The following EPHA6 variants were observed in gnomAD, a reference collection of about 807,000 sequenced individuals.
EPHA6 encodes the protein ephrin type-A receptor 6.
In EPHA6, 50 loss-of-function variants were observed where a neutral mutation model predicts 112.0. The ratio of observed to expected loss-of-function variants is 0.45; its 90% CI spans 0.36 to 0.56. The LOEUF is 0.56. Among genes scored for constraint, EPHA6 ranks in the 20% least tolerant of loss-of-function variants. The pLI is 0.00. For synonymous variants in EPHA6, 529 were observed against 490.7 expected (o/e 1.08, Z -1.03); for missense variants, 1,280 against 1,417.4 (o/e 0.90, Z 1.56).
intron 3 of EPHA6, among the ~76,000 whole-genome samples, chr3:97,082,707 C>T (rs1266130755): frequency 2.6e-5 from 4 of 151,754 alleles, no homozygotes; most frequent in Admixed American, 2.0e-4. Context: ...CAGTGATATG[C>T]GTGTAACACC....
chr3:97,386,976 T>C (rs1294710239), intron 5 of EPHA6, among the ~76,000 whole-genome samples: 1 of 152,218 alleles, frequency 6.6e-6, no homozygotes, highest in Non-Finnish European at 1.5e-5. Context: ...AAGTTGTTCC[T>C]TGGCCCCCTT....
chr3:97,317,591 A>C (rs971213883), intron 5 of EPHA6, among the ~76,000 whole-genome samples: 1 of 151,900 alleles, frequency 6.6e-6, no homozygotes, highest in Non-Finnish European at 1.5e-5. Context: ...ACAAACTTGT[A>C]ACTTTGGGCT....
chr3:97,576,017 G>A (rs1560153448), intron 11 of EPHA6, among the ~76,000 whole-genome samples: 1 of 152,110 alleles, frequency 6.6e-6, no homozygotes, highest in Non-Finnish European at 1.5e-5. Context: ...TTAGCAACTA[G>A]CTAAATGGTC....
At chr3:97,573,411 A>T (rs1309665227) in intron 11 of EPHA6, among the ~76,000 whole-genome samples, 1 of 152,158 alleles carries the variant, frequency 6.6e-6, no homozygotes, top group Admixed American at 6.5e-5. Flanking sequence ...CTATAATTTG[A>T]CAAGAAGACC....
intron 1 of EPHA6, among the ~76,000 whole-genome samples, chr3:96,865,770 G>T (rs1486308129): frequency 6.6e-6 from 1 of 151,340 alleles, no homozygotes; most frequent in Non-Finnish European, 1.5e-5. Context: ...TAATGATGTG[G>T]TACCAAAGCA....
chr3:97,749,746 A>G lies in EPHA6; in HGVS notation c.*1045A>G, dbSNP rs1009841903. ...CTTTATGATAGATACATGGTGGCCC[A>G]AGAAAATAAACAGACTTAGCTGATC... On this transcript the variant is annotated 3_prime_UTR_variant, in exon 18 of 18. Coordinates refer to ENST00000389672, the MANE Select transcript of EPHA6 (RefSeq NM_001080448.3). 6.6e-6 allele frequency among the ~76,000 whole-genome samples: 1 copy of G among 152,202 alleles called. No homozygotes were observed. The highest frequency in any genetic ancestry group is 2.4e-5 in the African/African-American group (1 of 41,458).
intron 3 of EPHA6, among the ~76,000 whole-genome samples, chr3:97,059,732 G>A (rs572123893): frequency 6.7e-6 from 1 of 150,260 alleles, no homozygotes; most frequent in South Asian, 2.1e-4. Context: ...AATGATAAGT[G>A]TAACTTTCAA....
chr3:97,547,316 T>G (rs2092966174), intron 11 of EPHA6, among the ~76,000 whole-genome samples: 1 of 152,148 alleles, frequency 6.6e-6, no homozygotes, highest in Non-Finnish European at 1.5e-5. Flanking sequence ...CTGTTGGAGT[T>G]TGCTAGAGGT....
At chr3:97,349,587 A>G (rs2083700339) in intron 5 of EPHA6, among the ~76,000 whole-genome samples, 1 of 152,136 alleles carries the variant, frequency 6.6e-6, no homozygotes, top group Admixed American at 6.6e-5. Flanking sequence ...AATAAAAGAA[A>G]GAGTCATAGA....
intron 3 of EPHA6, among the ~76,000 whole-genome samples, chr3:97,061,220 T>TG (rs1420175781): frequency 6.6e-6 from 1 of 152,102 alleles, no homozygotes; most frequent in African/African-American, 2.4e-5. Context: ...GAGGTGGACA[T>TG]GAATTGTATG....
intron 3 of EPHA6, among the ~76,000 whole-genome samples, chr3:97,165,810 A>G (rs930075475): frequency 5.3e-5 from 8 of 152,130 alleles, no homozygotes; most frequent in African/African-American, 1.7e-4. Flanking sequence ...TCTTATTGGA[A>G]GTTGAAATGG....
chr3:97,495,658 T>C (rs998458565), intron 10 of EPHA6, among the ~76,000 whole-genome samples: 1 of 152,172 alleles, frequency 6.6e-6, no homozygotes, highest in East Asian at 1.9e-4. Flanking sequence ...CAGTAACATC[T>C]GTGATTTGTT....
At chr3:97,384,854 C>T (rs1299722178) in intron 5 of EPHA6, among the ~76,000 whole-genome samples, 2 of 152,034 alleles carry the variant, frequency 1.3e-5, no homozygotes, top group African/African-American at 4.8e-5. Context: ...TCTTGAAGAA[C>T]TCTGTTAAAC....
chr3:97,143,011 C>A (rs1181783372), intron 3 of EPHA6, among the ~76,000 whole-genome samples: 1 of 151,810 alleles, frequency 6.6e-6, no homozygotes, highest in Non-Finnish European at 1.5e-5. Flanking sequence ...TAAGAAAAGG[C>A]AGCCAAATTG....
chr3:97,463,112 T>G (rs1337325809), intron 7 of EPHA6, among the ~76,000 whole-genome samples: 1 of 152,160 alleles, frequency 6.6e-6, no homozygotes, highest in African/African-American at 2.4e-5. Flanking sequence ...TTAAAAATTA[T>G]TATTATACTT....
At chr3:97,631,407 G>T (rs2093901600) in intron 13 of EPHA6, among the ~76,000 whole-genome samples, 1 of 151,928 alleles carries the variant, frequency 6.6e-6, no homozygotes, top group South Asian at 2.1e-4. Flanking sequence ...TAAGGTAAAT[G>T]TCCTGTGTAG....
intron 3 of EPHA6, among the ~76,000 whole-genome samples, chr3:97,029,323 TAA>T (rs533631192): frequency 6.6e-5 from 10 of 151,646 alleles, no homozygotes; most frequent in South Asian, 2.1e-4. Flanking sequence ...ATAAAAATTT[TAA>T]AAGTTTAAAT....
intron 7 of EPHA6, among the ~76,000 whole-genome samples, chr3:97,471,949 T>A (rs1171758987): frequency 6.6e-6 from 1 of 151,726 alleles, no homozygotes; most frequent in East Asian, 1.9e-4. Flanking sequence ...TTTCTCTTCT[T>A]GCTTCTGGTG....
chr3:97,729,122 T>C (rs1343579440), intron 15 of EPHA6, among the ~76,000 whole-genome samples: 1 of 152,048 alleles, frequency 6.6e-6, no homozygotes, highest in Admixed American at 6.6e-5. Flanking sequence ...AAACAACAAA[T>C]TAGTCTCTGA....
Sources: allele counts gnomAD v4.1 joint callset (sites outside exome capture counted in the v4.1 genomes callset), GRCh38; gene constraint gnomAD v4.1.1; transcripts MANE v1.5; gene names NCBI Gene and HGNC (gene_info 2026-07-23, HGNC 2026-07-21).